Variants in DYM observed in about 807,000 individuals in gnomAD.
DYM encodes the protein dyggve-Melchior-Clausen syndrome protein.
In DYM, 78 loss-of-function variants were observed where a neutral mutation model predicts 93.1. That is an observed-to-expected ratio of 0.84 (90% CI 0.70 to 1.01). The LOEUF is 1.01. Among genes scored for constraint, DYM ranks in the 50% least tolerant of loss-of-function variants. The pLI, the probability that DYM is intolerant of heterozygous loss-of-function variation, is 0.00. For missense variants in DYM, 789 were observed against 845.0 expected (o/e 0.93, Z 0.82); for synonymous variants, 321 against 319.7 (o/e 1.00, Z -0.04).
intron 17 of DYM, among the ~76,000 whole-genome samples, chr18:49,080,181 C>T (rs1484032652): frequency 9.2e-6 from 1 of 109,186 alleles, no homozygotes; most frequent in Non-Finnish European, 2.0e-5. Flanking sequence ...ACCTCCCTCC[C>T]GGACGGGGCG....
intron 9 of DYM, among the ~76,000 whole-genome samples, chr18:49,282,685 C>T (rs2095020408): frequency 6.6e-6 from 1 of 152,108 alleles, no homozygotes. Context: ...TTACTATTTT[C>T]CCATTAACAT....
At chr18:49,458,783 G>A (rs946360659) in intron 1 of DYM, among the ~76,000 whole-genome samples, 2 of 152,140 alleles carry the variant, frequency 1.3e-5, no homozygotes, top group Admixed American at 1.3e-4. Context: ...ACGTTGCCGT[G>A]AGCCGGGATC....
At chr18:49,291,254 G>T (rs771431739) in intron 8 of DYM, among the ~76,000 whole-genome samples, 1 of 152,092 alleles carries the variant, frequency 6.6e-6, no homozygotes, top group African/African-American at 2.4e-5. Flanking sequence ...TGTTTCTGCC[G>T]AACTAACACA....
intron 14 of DYM, among the ~76,000 whole-genome samples, chr18:49,185,361 G>A (rs544563653): frequency 6.5e-4 from 99 of 152,310 alleles, no homozygotes; most frequent in African/African-American, 2.1e-3. Context: ...TTACTTGAAT[G>A]TAAAATGAGA....
At chr18:49,405,636 A>G (rs2071402139) in intron 2 of DYM, among the ~76,000 whole-genome samples, 1 of 152,078 alleles carries the variant, frequency 6.6e-6, no homozygotes, top group Non-Finnish European at 1.5e-5. Context: ...CTGTAGCCTT[A>G]TAGTATACTT....
chr18:49,420,877 C>T (rs1368931105), intron 2 of DYM, among the ~76,000 whole-genome samples: 3 of 152,190 alleles, frequency 2.0e-5, no homozygotes, highest in Non-Finnish European at 4.4e-5. Flanking sequence ...CCACGCCTGG[C>T]TCGGAGGGTC....
intron 5 of DYM, among the ~76,000 whole-genome samples, chr18:49,370,460 CA>C (rs2066929225): frequency 6.6e-6 from 1 of 151,892 alleles, no homozygotes; most frequent in African/African-American, 2.4e-5. Context: ...AATAAATAAA[CA>C]AAAAATAATT....
intron 17 of DYM, among the ~76,000 whole-genome samples, chr18:49,076,026 G>C (rs2077273070): frequency 6.6e-6 from 1 of 152,132 alleles, no homozygotes; most frequent in African/African-American, 2.4e-5. Flanking sequence ...GTTAGCAGGG[G>C]CACCCTGTTA....
chr18:49,284,093 C>T (rs535641120), intron 9 of DYM, among the ~76,000 whole-genome samples: 2 of 152,232 alleles, frequency 1.3e-5, no homozygotes, highest in African/African-American at 4.8e-5. Context: ...TCTAGACACA[C>T]TACACTTCTT....
intron 2 of DYM, among the ~76,000 whole-genome samples, chr18:49,419,421 A>G (rs2073379869): frequency 1.3e-5 from 2 of 152,264 alleles, no homozygotes; most frequent in Middle Eastern, 3.4e-3. Context: ...TTAACAAAAC[A>G]AACTATAAAG....
chr18:49,389,550 C>A (rs2068979549), intron 3 of DYM, among the ~76,000 whole-genome samples: 1 of 152,000 alleles, frequency 6.6e-6, no homozygotes, highest in South Asian at 2.1e-4. Context: ...AGACTGGAGT[C>A]CAGTGGCGCC....
At chr18:49,150,949 A>G (rs1234145255) in intron 15 of DYM, among the ~76,000 whole-genome samples, 1 of 152,216 alleles carries the variant, frequency 6.6e-6, no homozygotes, top group African/African-American at 2.4e-5. Flanking sequence ...TGAAATGTCA[A>G]CTGTCCAAGA....
At chr18:49,166,685 G>A (rs982090071) in intron 14 of DYM, among the ~76,000 whole-genome samples, 3 of 151,936 alleles carry the variant, frequency 2.0e-5, no homozygotes, top group South Asian at 2.1e-4. Flanking sequence ...TCAGTAATAC[G>A]CTTCTAATTA....
At chr18:49,217,511 C>T (rs1355508158) in intron 13 of DYM, among the ~76,000 whole-genome samples, 4 of 152,130 alleles carry the variant, frequency 2.6e-5, no homozygotes, top group South Asian at 4.1e-4. Flanking sequence ...AGAGAAAGGC[C>T]GGGTTACCCA....
chr18:49,337,801 A>C (rs563533273), intron 6 of DYM, among the ~76,000 whole-genome samples: 4 of 152,348 alleles, frequency 2.6e-5, no homozygotes, highest in Admixed American at 2.0e-4. Flanking sequence ...TGCCTGGGTC[A>C]GAAGGGAAAT....
intron 8 of DYM, among the ~76,000 whole-genome samples, chr18:49,310,492 G>A (rs1340563660): frequency 6.6e-6 from 1 of 152,150 alleles, no homozygotes; most frequent in Non-Finnish European, 1.5e-5. Flanking sequence ...CCTCAGTTAT[G>A]CATATACATG....
intron 2 of DYM, among the ~76,000 whole-genome samples, chr18:49,397,184 A>G (rs1386227575): frequency 6.6e-6 from 1 of 152,238 alleles, no homozygotes; most frequent in Non-Finnish European, 1.5e-5. Context: ...ATGTACAATT[A>G]TGTGTCAATT....
chr18:49,370,160 C>A (rs1348647400), intron 5 of DYM, among the ~76,000 whole-genome samples: 1 of 151,906 alleles, frequency 6.6e-6, no homozygotes, highest in African/African-American at 2.4e-5. Context: ...CGCCTGTAAT[C>A]CTAGCTACTT....
chr18:49,190,671 T>C (rs1040301322), intron 14 of DYM, among the ~76,000 whole-genome samples: 3 of 152,214 alleles, frequency 2.0e-5, no homozygotes, highest in African/African-American at 4.8e-5. Flanking sequence ...ATGTTACCTG[T>C]ATAAAAGTGT....
Sources: allele counts gnomAD v4.1 joint callset (sites outside exome capture counted in the v4.1 genomes callset), GRCh38; gene constraint gnomAD v4.1.1; transcripts MANE v1.5; gene names NCBI Gene and HGNC (gene_info 2026-07-23, HGNC 2026-07-21).